CSMD3: variants seen among roughly 807,000 people sequenced by gnomAD.
The protein encoded by CSMD3 is CUB and Sushi multiple domains 3.
Under a neutral mutation model 435.2 loss-of-function variants are expected in CSMD3, and 177 were observed. The observed-to-expected ratio is 0.41, with a 90% confidence interval of 0.36 to 0.46. The LOEUF (loss-of-function observed/expected upper bound fraction) is 0.46, where lower values mean the gene tolerates loss of function less well. Among genes scored for constraint, CSMD3 ranks in the 20% least tolerant of loss-of-function variants. The pLI, the probability that CSMD3 is intolerant of heterozygous loss-of-function variation, is 0.34. For synonymous variants in CSMD3, 1,656 were observed against 1,520.5 expected, an observed-to-expected ratio of 1.09 and a Z score of -2.07; for missense variants, 4,265 against 4,504.6, an observed-to-expected ratio of 0.95 and a Z score of 1.52.
intron 13 of CSMD3, among the ~76,000 whole-genome samples, chr8:112,748,135 A>G (rs1262299524): frequency 2.0e-5 from 3 of 152,096 alleles, no homozygotes; most frequent in Non-Finnish European, 4.4e-5. Flanking sequence ...GCTCAGTGAA[A>G]AGAGAAAGAT....
intron 3 of CSMD3, among the ~76,000 whole-genome samples, chr8:113,212,154 C>T (rs1588285800): frequency 6.6e-6 from 1 of 152,142 alleles, no homozygotes; most frequent in East Asian, 1.9e-4. Flanking sequence ...ATTCTATATG[C>T]AGAATTTATT....
chr8:112,340,908 T>G (rs1169281531), intron 42 of CSMD3, among the ~76,000 whole-genome samples: 1 of 152,106 alleles, frequency 6.6e-6, no homozygotes, highest in African/African-American at 2.4e-5. Context: ...CATTTGAGCC[T>G]AGCTCTACTT....
Position 112,514,649 on chromosome 8 carries a change from A to G in CSMD3, c.4756+2385T>C, listed in dbSNP as rs1352400348. ...ATGTCAAAGTAATTTACACGCTGTC[A>G]ATTTTGTTGGAATGAATTTTATTAA... On this transcript the variant is annotated intron_variant, in intron 28 of 70. Coordinates refer to ENST00000297405, the MANE Select transcript of CSMD3 (RefSeq NM_198123.2). Among the ~76,000 whole-genome samples the G allele has an allele frequency of 2.0e-5, 3 of 152,006 alleles. No individual in the cohort carries two copies. The East Asian group carries it at 5.8e-4, about 29-fold the overall frequency.
At chr8:112,894,858 AAC>A (rs1334150767) in intron 10 of CSMD3, among the ~76,000 whole-genome samples, 1 of 151,370 alleles carries the variant, frequency 6.6e-6, no homozygotes, top group Non-Finnish European at 1.5e-5. Context: ...TTGAAAAAAA[AAC>A]ACACACACAA....
chr8:113,091,885 G>T (rs1342573579), intron 5 of CSMD3, among the ~76,000 whole-genome samples: 1 of 151,748 alleles, frequency 6.6e-6, no homozygotes, highest in African/African-American at 2.4e-5. Flanking sequence ...TTTATTTGAA[G>T]TTTTTCTTTT....
chr8:112,609,513 A>C (rs1054313645), intron 22 of CSMD3, among the ~76,000 whole-genome samples: 1 of 152,258 alleles, frequency 6.6e-6, no homozygotes, highest in African/African-American at 2.4e-5. Flanking sequence ...GAAAAAAGAT[A>C]AAAAATGTTG....
intron 1 of CSMD3, among the ~76,000 whole-genome samples, chr8:113,382,644 T>C (rs2094421507): frequency 6.6e-6 from 1 of 152,168 alleles, no homozygotes; most frequent in African/African-American, 2.4e-5. Context: ...AACTTTGTGA[T>C]TCTATTAAGC....
At chr8:112,969,830 T>C (rs1381516923) in intron 7 of CSMD3, among the ~76,000 whole-genome samples, 3 of 152,046 alleles carry the variant, frequency 2.0e-5, no homozygotes, top group Non-Finnish European at 4.4e-5. Context: ...AGAAAAGTAA[T>C]GCTAAAGCAA....
At chr8:112,419,459 G>A (rs1812251482) in intron 32 of CSMD3, among the ~76,000 whole-genome samples, 1 of 152,134 alleles carries the variant, frequency 6.6e-6, no homozygotes, top group Admixed American at 6.6e-5. Context: ...TTTGACTATG[G>A]TACCCAATTA....
intron 8 of CSMD3, among the ~76,000 whole-genome samples, chr8:112,949,337 C>T (rs1324910972): frequency 1.3e-5 from 2 of 151,994 alleles, no homozygotes; most frequent in Non-Finnish European, 2.9e-5. Context: ...TTACAGCTCA[C>T]TAATTCAAAT....
intron 31 of CSMD3, among the ~76,000 whole-genome samples, chr8:112,486,267 T>C (rs1820126098): frequency 6.6e-6 from 1 of 152,012 alleles, no homozygotes; most frequent in Non-Finnish European, 1.5e-5. Context: ...GTTCTGGAGA[T>C]ATAAAAAGGT....
In CSMD3 at chr8:112,255,620, A is replaced by G. The variant is rs1815712181; in HGVS notation, c.9863-193T>C. ...TACTGAATTGAAAACTCAGTATAAT[A>G]TTTAAAAATTAGCTCGATTTCGATG... On this transcript the variant is annotated intron_variant, in intron 61 of 70. Transcript: ENST00000297405. The G allele has an allele frequency of 5.2e-6, 3 of 578,016 alleles. No homozygotes were observed. The South Asian group carries it at 6.9e-5, about 13-fold the overall frequency. 35.8% of individuals were successfully genotyped at this position (578,016 alleles called of 1,614,324 possible).
At chr8:112,526,294 A>T (rs1296843761) in intron 27 of CSMD3, among the ~76,000 whole-genome samples, 1 of 152,014 alleles carries the variant, frequency 6.6e-6, no homozygotes, top group African/African-American at 2.4e-5. Flanking sequence ...TACTTCAAAA[A>T]CCCAAACCTT....
intron 4 of CSMD3, among the ~76,000 whole-genome samples, chr8:113,134,661 T>A (rs1161221810): frequency 6.6e-6 from 1 of 152,076 alleles, no homozygotes; most frequent in African/African-American, 2.4e-5. Flanking sequence ...ATAACCTAAG[T>A]AAACCAGGTA....
chr8:112,846,225 T>A (rs947939521), intron 11 of CSMD3, among the ~76,000 whole-genome samples: 7 of 151,814 alleles, frequency 4.6e-5, no homozygotes, highest in African/African-American at 1.7e-4. Context: ...TTAAAAAAGA[T>A]AATTCTTTTT....
chr8:112,685,780 T>C, intron 14 of CSMD3, 48 bp from the exon 15 acceptor site: 1 of 1,118,464 alleles, frequency 8.9e-7, no homozygotes. Context: ...TCAAAAATAA[T>C]ATTTCATCTT....
At chr8:112,249,720 A>G (rs1815093032) in intron 63 of CSMD3, among the ~76,000 whole-genome samples, 1 of 152,068 alleles carries the variant, frequency 6.6e-6, no homozygotes. Context: ...ATTCTGTTCA[A>G]TTAACATTGA....
chr8:112,347,516 C>G lies in CSMD3; in HGVS notation c.6326-1303G>C, dbSNP rs190113881. 8.5e-3 allele frequency among the ~76,000 whole-genome samples: 1,289 copies of G among 152,266 alleles called. 9 individuals carry two copies. The highest frequency in any genetic ancestry group is 0.013 in the Non-Finnish European group (862 of 67,996). ...TTTATACAATATTCAATAAGTTTGA[C>G]AACTATCTTTTGCTATGTGAACTAA... On this transcript the variant is annotated intron_variant, in intron 40 of 70. Transcript: ENST00000297405.
chr8:113,258,529 T>C (rs1001849234), intron 3 of CSMD3, among the ~76,000 whole-genome samples: 2 of 152,202 alleles, frequency 1.3e-5, no homozygotes, highest in African/African-American at 4.8e-5. Flanking sequence ...ACACAGCTTC[T>C]AGGAATCTTC....
Sources: gnomAD v4.1 joint callset for allele counts (sites outside exome capture counted in the v4.1 genomes callset) on GRCh38, gnomAD v4.1.1 for gene constraint, MANE v1.5 for transcripts, NCBI Gene and HGNC (gene_info 2026-07-23, HGNC 2026-07-21) for gene names.